Variants in NRXN1 observed in about 807,000 individuals in gnomAD.
The protein encoded by NRXN1 is neurexin 1.
A neutral mutation model predicts 150.9 loss-of-function variants in NRXN1; 39 were observed. The ratio of observed to expected loss-of-function variants is 0.26; its 90% CI spans 0.20 to 0.34. The LOEUF (loss-of-function observed/expected upper bound fraction) is 0.34, where lower values mean the gene tolerates loss of function less well. Ranked by LOEUF, NRXN1 falls within the 10% of genes least tolerant of loss-of-function variation. The probability of loss-of-function intolerance (pLI) is 1.00; values close to 1 mark genes in which losing one functional copy is unlikely to be tolerated. For missense variants in NRXN1, 1,815 were observed against 1,949.9 expected, an observed-to-expected ratio of 0.93 and a Z score of 1.30; for synonymous variants, 924 against 757.0, an observed-to-expected ratio of 1.22 and a Z score of -3.62.
chr2:51,026,355 C>T (rs781376162), intron 2 of NRXN1: 1 of 1,532,042 alleles, frequency 6.5e-7, no homozygotes, highest in South Asian at 1.2e-5. Flanking sequence ...TCGTCTTTTT[C>T]ACACCACTCA....
chr2:50,267,687 A>G (rs1430526564), intron 17 of NRXN1, among the ~76,000 whole-genome samples: 1 of 152,212 alleles, frequency 6.6e-6, no homozygotes, highest in African/African-American at 2.4e-5. Flanking sequence ...ATTATAGGGA[A>G]CGAAAATCTT....
chr2:50,709,454 T>C (rs1483214041), intron 5 of NRXN1, among the ~76,000 whole-genome samples: 1 of 152,090 alleles, frequency 6.6e-6, no homozygotes, highest in Non-Finnish European at 1.5e-5. Flanking sequence ...AAACGGCTTC[T>C]CAGAGGAAGT....
intron 17 of NRXN1, among the ~76,000 whole-genome samples, chr2:50,429,506 CT>C (rs749327043): frequency 1.3e-5 from 2 of 152,164 alleles, no homozygotes; most frequent in African/African-American, 4.8e-5. Context: ...ATCCACCCAC[CT>C]TTGCCTCCCA....
chr2:50,593,884 T>A (rs191297194), intron 8 of NRXN1, among the ~76,000 whole-genome samples: 1 of 152,220 alleles, frequency 6.6e-6, no homozygotes, highest in South Asian at 2.1e-4. Context: ...ATGAGGATGA[T>A]ACCCTTGATA....
chr2:50,225,957 G>C (rs901818399), intron 18 of NRXN1, among the ~76,000 whole-genome samples: 1 of 151,994 alleles, frequency 6.6e-6, no homozygotes, highest in Non-Finnish European at 1.5e-5. Flanking sequence ...GTATACTAAA[G>C]GGTAGGGTTG....
intron 5 of NRXN1, among the ~76,000 whole-genome samples, chr2:50,913,995 T>C (rs781211461): frequency 1.3e-5 from 2 of 151,772 alleles, no homozygotes; most frequent in Non-Finnish European, 2.9e-5. Flanking sequence ...TACGATTGAA[T>C]GAAACCCTTT....
intron 5 of NRXN1, among the ~76,000 whole-genome samples, chr2:50,644,350 C>T (rs530435142): frequency 1.3e-5 from 2 of 151,784 alleles, no homozygotes; most frequent in South Asian, 4.2e-4. Flanking sequence ...CTTGTTTCCA[C>T]CAGATACATT....
At chr2:50,259,384 A>G (rs181197616) in intron 17 of NRXN1, among the ~76,000 whole-genome samples, 1 of 152,052 alleles carries the variant, frequency 6.6e-6, no homozygotes, top group African/African-American at 2.4e-5. Flanking sequence ...ACATCAGAGA[A>G]GAAACATGAT....
intron 5 of NRXN1, among the ~76,000 whole-genome samples, chr2:50,879,894 G>A (rs757737386): frequency 3.9e-4 from 59 of 151,874 alleles, no homozygotes; most frequent in Non-Finnish European, 7.2e-4. Flanking sequence ...TGGTTGAGAC[G>A]TATTTGCGGC....
chr2:50,116,696 C>G (rs1703118286), intron 18 of NRXN1, among the ~76,000 whole-genome samples: 1 of 152,058 alleles, frequency 6.6e-6, no homozygotes, highest in South Asian at 2.1e-4. Flanking sequence ...CAAAATCTTC[C>G]TTCCCCAACA....
At chr2:50,716,136 T>C (rs919435753) in intron 5 of NRXN1, among the ~76,000 whole-genome samples, 3 of 152,188 alleles carry the variant, frequency 2.0e-5, no homozygotes, top group African/African-American at 7.2e-5. Context: ...CAAACATCTA[T>C]TCCATGCAAC....
intron 17 of NRXN1, among the ~76,000 whole-genome samples, chr2:50,297,703 A>G (rs1159059499): frequency 1.3e-5 from 2 of 152,224 alleles, no homozygotes; most frequent in African/African-American, 2.4e-5. Context: ...ATAACTGTTT[A>G]TATTAAAATA....
chr2:49,980,056 T>C (rs1237919744), intron 21 of NRXN1, among the ~76,000 whole-genome samples: 1 of 152,118 alleles, frequency 6.6e-6, no homozygotes, highest in Non-Finnish European at 1.5e-5. Context: ...CTAAAAATTA[T>C]TATGCTAATG....
At chr2:50,322,440 C>G (rs2076109098) in intron 17 of NRXN1, among the ~76,000 whole-genome samples, 1 of 151,996 alleles carries the variant, frequency 6.6e-6, no homozygotes, top group African/African-American at 2.4e-5. Flanking sequence ...TAGAAGATAC[C>G]TTTTTAAAAG....
At chr2:49,975,105 T>C (rs1047490439) in intron 21 of NRXN1, among the ~76,000 whole-genome samples, 1 of 150,302 alleles carries the variant, frequency 6.7e-6, no homozygotes, top group Non-Finnish European at 1.5e-5. Context: ...TATATACATA[T>C]ACATACAATT....
At chr2:50,473,595 A>ATTC (rs2089719806) in intron 15 of NRXN1, among the ~76,000 whole-genome samples, 1 of 151,960 alleles carries the variant, frequency 6.6e-6, no homozygotes, top group African/African-American at 2.4e-5. Context: ...TTTTCATTTG[A>ATTC]ACTTTCTTTC....
At chr2:50,429,069 T>C (rs1036639717) in intron 17 of NRXN1, among the ~76,000 whole-genome samples, 1 of 152,096 alleles carries the variant, frequency 6.6e-6, no homozygotes, top group Non-Finnish European at 1.5e-5. Flanking sequence ...GCCATACACA[T>C]TTTTTGGAAA....
intron 5 of NRXN1, among the ~76,000 whole-genome samples, chr2:50,815,896 G>A (rs138522149): frequency 4.7e-4 from 71 of 152,226 alleles, no homozygotes; most frequent in African/African-American, 1.6e-3. Flanking sequence ...CCTGAAAAAT[G>A]CTAGAATATC....
intron 17 of NRXN1, among the ~76,000 whole-genome samples, chr2:50,435,349 T>C (rs1490444667): frequency 6.6e-6 from 1 of 152,188 alleles, no homozygotes; most frequent in Non-Finnish European, 1.5e-5. Context: ...AACTATAAAA[T>C]ATATATAATT....
Sources: allele counts gnomAD v4.1 joint callset (sites outside exome capture counted in the v4.1 genomes callset), GRCh38; gene constraint gnomAD v4.1.1; transcripts MANE v1.5; gene names NCBI Gene and HGNC (gene_info 2026-07-23, HGNC 2026-07-21).